The following HEATR5B variants were observed in gnomAD, a reference collection of about 807,000 sequenced individuals.
HEATR5B encodes the protein HEAT repeat containing 5B, also known as HEAT repeat-containing protein 5B.
In HEATR5B, 156 loss-of-function variants were observed where a neutral mutation model predicts 224.1. That is an observed-to-expected ratio of 0.70 (90% CI 0.61 to 0.80). HEATR5B has a LOEUF of 0.80. Ranked by LOEUF, HEATR5B falls within the 30% of genes least tolerant of loss-of-function variation. The probability of loss-of-function intolerance (pLI) is 0.00; values close to 1 mark genes in which losing one functional copy is unlikely to be tolerated. For synonymous variants in HEATR5B, 1,027 were observed against 893.0 expected, an observed-to-expected ratio of 1.15 and a Z score of -2.68; for missense variants, 2,323 against 2,535.5, an observed-to-expected ratio of 0.92 and a Z score of 1.80.
intron 30 of HEATR5B, among the ~76,000 whole-genome samples, chr2:37,004,141 C>T (rs1037950182): frequency 4.6e-5 from 7 of 152,062 alleles, no homozygotes; most frequent in African/African-American, 1.7e-4. Context: ...AAGCTTCTTA[C>T]TCACAATCTT....
chr2:36,986,850 C>G (rs1665981247), intron 35 of HEATR5B, among the ~76,000 whole-genome samples: 1 of 152,086 alleles, frequency 6.6e-6, no homozygotes, highest in Non-Finnish European at 1.5e-5. Flanking sequence ...CTCCTGATCT[C>G]AGATGATCTG....
chr2:37,062,617 G>C (rs1324973231), intron 10 of HEATR5B, among the ~76,000 whole-genome samples: 1 of 152,222 alleles, frequency 6.6e-6, no homozygotes, highest in Non-Finnish European at 1.5e-5. Flanking sequence ...GCACTGCTTA[G>C]TTCCATCACT....
In HEATR5B at chr2:37,053,620, GA is replaced by G. The variant is rs200413903; in HGVS notation, c.2400-14del. On this transcript the variant is annotated splice_polypyrimidine_tract_variant and intron_variant, in intron 16 of 35. Transcript: ENST00000233099. ...CAACATTTGTAATCTATAACAATAA[GA>G]AAAAAAAATCACATTAGTGACAAAT... 366 of 1,515,756 alleles carry G rather than the reference GA, an allele frequency of 2.4e-4. No individual in the cohort carries two copies. In the Middle Eastern group the frequency reaches 3.7e-3, roughly 15 times the overall value. 93.9% of individuals were successfully genotyped at this position (1,515,756 alleles called of 1,614,324 possible).
At position 37,056,476 on chromosome 2, in the gene HEATR5B, A is replaced by T; in HGVS notation, c.2363T>A (p.Phe788Tyr). 6.2e-7 allele frequency: 1 copy of T among 1,611,394 alleles called. No homozygotes were observed. Among genetic ancestry groups the T allele is most frequent in the South Asian group, 1.1e-5 (1 of 90,714 alleles). The change falls in exon 16 of 36, where the codon TTT becomes TAT. Residue 788 changes from phenylalanine to tyrosine, a missense_variant. Phe to Tyr is a conservative substitution (Grantham distance 22). Coordinates refer to ENST00000233099, the MANE Select transcript of HEATR5B (RefSeq NM_019024.3). The stretch of plus-strand genomic sequence containing the variant: ...AGAAACATGAGGAAACACTACACCA[A>T]AAAGGGCCACAGAAGCATCAATGAC... The part of the protein sequence containing the change: ...VSVIDASVAL[F>Y]GVVFPHVSYK...
At chr2:37,075,655 A>C (rs748840704) in intron 4 of HEATR5B, 21 bp from the exon 5 acceptor site, 20 of 1,573,368 alleles carry the variant, frequency 1.3e-5, no homozygotes. Context: ...ATACAAAACA[A>C]AACTATTTTG....
intron 24 of HEATR5B, among the ~76,000 whole-genome samples, chr2:37,026,378 A>C (rs1668774559): frequency 6.6e-6 from 1 of 152,168 alleles, no homozygotes; most frequent in Non-Finnish European, 1.5e-5. Context: ...TTTTAAACCA[A>C]GTTTGTGGGC....
In HEATR5B at chr2:37,041,080, T is replaced by C. The variant is rs1669841517; in HGVS notation, c.2856+53A>G. On this transcript the variant is annotated intron_variant, in intron 19 of 35. Coordinates refer to ENST00000233099, the MANE Select transcript of HEATR5B (RefSeq NM_019024.3). Reference sequence around the variant, plus strand: ...CATTTTTATTTCATAGAGCAAATAATTTTCCAAAAAATTTTCTAAACTTTT... The same window carrying C: ...CATTTTTATTTCATAGAGCAAATAACTTTCCAAAAAATTTTCTAAACTTTT... 6.1e-6 allele frequency: 9 copies of C among 1,475,658 alleles called. No individual in the cohort carries two copies. In the Admixed American group the frequency reaches 1.7e-4, roughly 28 times the overall value. The allele number at this position is 1,475,658 out of a possible 1,614,324, so 91.4% of individuals were successfully genotyped here. A position where few individuals can be genotyped will look rare whatever the true frequency, so the allele number is the denominator to read the frequency against.
At chr2:37,017,246 G>C (rs1339691825) in intron 26 of HEATR5B, among the ~76,000 whole-genome samples, 2 of 151,958 alleles carry the variant, frequency 1.3e-5, no homozygotes, top group African/African-American at 4.8e-5. Context: ...TTAGCTGGGC[G>C]TGGTGGCACA....
chr2:37,032,150 C>G (rs1669173663), intron 22 of HEATR5B, among the ~76,000 whole-genome samples: 1 of 152,180 alleles, frequency 6.6e-6, no homozygotes, highest in Non-Finnish European at 1.5e-5. Flanking sequence ...GCCCCTGAAA[C>G]ATCCTCAAGA....
Position 36,981,734 on chromosome 2 carries a change from G to T in HEATR5B, c.5972C>A (p.Ser1991Tyr), listed in dbSNP as rs371424300. Residue 1991 changes from serine (S) to tyrosine (Y), a missense_variant, in exon 36 of 36, where the codon TCT (serine) becomes TAT (tyrosine). By Grantham distance (144) the Ser-to-Tyr change is moderately radical. Transcript: ENST00000233099. ...TLISYLLDEN[S>Y]FASASSASKD... is the part of the protein sequence containing the mutation. ...GGAAGCTGAACTTGCTGAGGCAAAAGAATTTTCATCCAGCAGGTAAGATAT... is the reference window on the plus strand; with the variant it reads ...GGAAGCTGAACTTGCTGAGGCAAAATAATTTTCATCCAGCAGGTAAGATAT... The T allele has an allele frequency of 6.2e-7, 1 of 1,613,974 alleles. No individual in the cohort carries two copies. The highest frequency in any genetic ancestry group is 8.5e-7 in the Non-Finnish European group (1 of 1,179,940).
rs776577638 is a variant in HEATR5B, at chr2:37,061,983, C to A, written c.1652G>T (p.Arg551Leu). 2 of 1,613,678 alleles carry A rather than the reference C, an allele frequency of 1.2e-6. No homozygotes were observed. The highest frequency in any genetic ancestry group is 1.7e-6 in the Non-Finnish European group (2 of 1,179,730). ...AAQNSRLSLQRTQAGWLLLGA... is the reference protein window; with the variant it reads ...AAQNSRLSLQLTQAGWLLLGA... ...AAGTAAAAGCCAGCCAGCTTGGGTG[C>A]GCTGTAAAGATAGCCTGCTATTTTG... is the stretch of plus-strand genomic sequence containing the variant. The change falls in exon 11 of 36, where the codon CGC (arginine) becomes CTC (leucine). Residue 551 changes from arginine to leucine, a missense_variant. Physicochemically the swap from Arg to Leu is moderately radical, Grantham distance 102. Coordinates refer to ENST00000233099, the MANE Select transcript of HEATR5B (RefSeq NM_019024.3).
intron 18 of HEATR5B, among the ~76,000 whole-genome samples, chr2:37,048,189 T>G (rs1670319535): frequency 7.2e-6 from 1 of 139,294 alleles, no homozygotes. Context: ...GGACACATTG[T>G]TTTTTTTTTT....
chr2:37,017,730 C>T (rs972778036), intron 26 of HEATR5B, among the ~76,000 whole-genome samples: 2 of 146,220 alleles, frequency 1.4e-5, no homozygotes, highest in African/African-American at 5.0e-5. Flanking sequence ...ACTAGAATCA[C>T]AGATAATGCA....
chr2:37,052,859 A>G (rs543017394), intron 17 of HEATR5B, among the ~76,000 whole-genome samples: 3 of 152,216 alleles, frequency 2.0e-5, no homozygotes, highest in Non-Finnish European at 4.4e-5. Context: ...GGACAGTACA[A>G]GATTTTATCA....
intron 16 of HEATR5B, among the ~76,000 whole-genome samples, chr2:37,055,623 A>G (rs1244450589): frequency 6.6e-6 from 1 of 152,180 alleles, no homozygotes; most frequent in Non-Finnish European, 1.5e-5. Context: ...TATTAAAGAC[A>G]TTTTTTATTT....
intron 22 of HEATR5B, among the ~76,000 whole-genome samples, chr2:37,029,868 G>C (rs1329630857): frequency 6.6e-6 from 1 of 151,930 alleles, no homozygotes. Flanking sequence ...GAACCTGGGA[G>C]GCGGAGGTTG....
rs1671732727 is a variant in HEATR5B, at chr2:37,068,779, A to G, written c.1079T>C (p.Ile360Thr). Residue 360 changes from isoleucine (I) to threonine (T), a missense_variant, in exon 8 of 36, where the codon ATC becomes ACC. Ile to Thr is a moderately conservative substitution (Grantham distance 89). Coordinates refer to ENST00000233099, the MANE Select transcript of HEATR5B (RefSeq NM_019024.3). ...CAAACTGCCCACAGTAGCTCTTAGG[A>G]TAAAGGAAACACATCGTCTGGAGTA... is the stretch of plus-strand genomic sequence containing the variant. ...AVYSRRCVSF[I>T]LRATVGSLLG... The G allele has an allele frequency of 6.2e-7, 1 of 1,614,002 alleles. No individual in the cohort carries two copies. Among genetic ancestry groups the G allele is most frequent in the African/African-American group, 1.3e-5 (1 of 74,900 alleles).
chr2:36,982,538 C>T (rs571569605), intron 35 of HEATR5B, among the ~76,000 whole-genome samples: 31 of 152,176 alleles, frequency 2.0e-4, no homozygotes, highest in African/African-American at 7.2e-4. Context: ...TTGAGAATTA[C>T]GCGTTCTCCC....
chr2:37,017,161 G>A (rs1462642766), intron 26 of HEATR5B, among the ~76,000 whole-genome samples: 1 of 152,154 alleles, frequency 6.6e-6, no homozygotes, highest in Non-Finnish European at 1.5e-5. Flanking sequence ...GGGCACGGTG[G>A]CTCACCTGAG....
Sources: allele counts gnomAD v4.1 joint callset (sites outside exome capture counted in the v4.1 genomes callset), GRCh38; gene constraint gnomAD v4.1.1; transcripts MANE v1.5; gene names NCBI Gene and HGNC (gene_info 2026-07-23, HGNC 2026-07-21).